WNK4: variants seen among roughly 807,000 people sequenced by gnomAD.
WNK4 encodes serine/threonine-protein kinase WNK4.
A neutral mutation model predicts 116.2 loss-of-function variants in WNK4; 94 were observed. That is an observed-to-expected ratio of 0.81 (90% CI 0.68 to 0.96). WNK4 has a LOEUF of 0.96. WNK4 is among the 40% of genes least tolerant of loss of function. WNK4 has a pLI of 0.00. For missense variants in WNK4, 1,542 were observed against 1,650.6 expected (o/e 0.93, Z 1.14); for synonymous variants, 655 against 672.7 (o/e 0.97, Z 0.41).
Position 42,784,163 on chromosome 17 carries a change from T to A in WNK4, c.1012+6T>A. ...CTTTGCCAAGAGTGTCATCGGTGCG[T>A]CTCTCCAGGAGGGTCCATGCCATTC... is the stretch of plus-strand genomic sequence containing the variant. On this transcript the variant is annotated splice_donor_region_variant and intron_variant, in intron 3 of 18. Transcript: ENST00000246914. The surrounding 1 kb of genome is among the most constrained non-coding windows in gnomAD (Gnocchi z 4.4). The A allele has an allele frequency of 3.1e-6, 5 of 1,604,444 alleles. No homozygotes were observed. The highest frequency in any genetic ancestry group is 4.2e-6 in the Non-Finnish European group (5 of 1,179,946).
rs1386404664 is a variant in WNK4 at position 42,796,555 on chromosome 17, T to G, written c.3706T>G (p.Phe1236Val). ...GCAGCGGGCAAGCAAGGGGGTGACA[T>G]TCGCCGGGGATGTTGGCAGGATGGT... ...QEQRASKGVT[F>V]AGDVGRM The change falls in exon 18 of 19, where the codon TTC (phenylalanine) becomes GTC (valine). Residue 1236 changes from phenylalanine to valine, a missense_variant. Around this residue, in one of 7 missense-constraint regions of WNK4, gnomAD observed 148 missense variants for 157.2 expected, o/e 0.94. Transcript: ENST00000246914. The G allele has an allele frequency of 6.2e-7, 1 of 1,614,102 alleles. No homozygotes were observed. The highest frequency in any genetic ancestry group is 1.7e-5 in the Admixed American group (1 of 60,020).
chr17:42,785,659 A>G (rs2054540989), intron 6 of WNK4, among the ~76,000 whole-genome samples, 177 bp downstream of exon 6: 1 of 152,118 alleles, frequency 6.6e-6, no homozygotes, highest in Non-Finnish European at 1.5e-5. Flanking sequence ...ACCCGCACGC[A>G]CACCCAGTTT....
Position 42,784,649 on chromosome 17 carries a change from C to T in WNK4, c.1170+70C>T. 5 of 1,589,944 alleles carry T rather than the reference C, an allele frequency of 3.1e-6. No individual in the cohort carries two copies. Among genetic ancestry groups the T allele is most frequent in the South Asian group, 2.3e-5 (2 of 88,520 alleles). On this transcript the variant is annotated intron_variant, in intron 4 of 18. Transcript: ENST00000246914. This position sits in a 1 kb window ranked among gnomAD's most constrained non-coding sequence, Gnocchi z 4.4. ...TCCCCTTTTCCTGCGCCGGCCAGCC[C>T]GCAGTCAATGCCCTTTGCCTGCACG... is the stretch of plus-strand genomic sequence containing the variant.
At chr17:42,793,764 G>T in intron 12 of WNK4, 35 bp downstream of exon 12, 2 of 1,613,058 alleles carry the variant, frequency 1.2e-6, no homozygotes, top group South Asian at 2.2e-5. Context: ...CAGGGGAAAT[G>T]GACTCTCTGC....
chr17:42,780,857 G>T lies in WNK4; in HGVS notation c.159G>T (p.Arg53=). ...ARRFSGKAEP[R]PRSSRLSRRS... Reference sequence around the variant, plus strand: ...GCTTCTCCGGGAAGGCTGAGCCCCGGCCGCGCTCTTCTCGTCTCAGCCGCC... The same window carrying T: ...GCTTCTCCGGGAAGGCTGAGCCCCGTCCGCGCTCTTCTCGTCTCAGCCGCC... Residue 53 remains arginine, a synonymous_variant, in exon 1 of 19, where the codon CGG becomes CGT. Transcript: ENST00000246914. The T allele has an allele frequency of 6.2e-7, 1 of 1,603,146 alleles. No individual in the cohort carries two copies. The highest frequency in any genetic ancestry group is 8.5e-7 in the Non-Finnish European group (1 of 1,178,962).
rs893566783 is a variant in WNK4 at position 42,782,630 on chromosome 17, A to T, written c.619-128A>T. 7.5e-6 allele frequency: 8 copies of T among 1,070,480 alleles called. No individual in the cohort carries two copies. In the Admixed American group the frequency reaches 8.0e-5, roughly 11 times the overall value. The allele number at this position is 1,070,480 out of a possible 1,614,324, so 66.3% of individuals were successfully genotyped here. On this transcript the variant is annotated intron_variant, in intron 1 of 18. Transcript: ENST00000246914. This position sits in a 1 kb window ranked among gnomAD's most constrained non-coding sequence, Gnocchi z 4.2. ...AGGGTCTGCAGCCCACTGGGCAAGT[A>T]ATCCCATTAACCCCACCCCATCTGT...
rs758319975 is a variant in WNK4 at position 42,780,764 on chromosome 17, G to A, written c.66G>A (p.Leu22=). Reference sequence around the variant, plus strand: ...CCCAGACTGAGGCCGACCTGGCCCTGCGGCCCCCGCCTCCTCTTGGCACCG... The same window carrying A: ...CCCAGACTGAGGCCGACCTGGCCCTACGGCCCCCGCCTCCTCTTGGCACCG... The part of the protein sequence containing the change: ...LMSQTEADLA[L]RPPPPLGTAG... Residue 22 remains leucine, a synonymous_variant, in exon 1 of 19, where the codon CTG becomes CTA. Transcript: ENST00000246914. 1.1e-5 allele frequency: 17 copies of A among 1,607,228 alleles called. No homozygotes were observed. The highest frequency in any genetic ancestry group is 1.4e-5 in the Non-Finnish European group (17 of 1,179,366).
rs767223452 is a variant in WNK4, at chr17:42,795,479, C to T, written c.2980C>T (p.Arg994Trp). ...TTTCTAGGCCTCACCACCTCCTGCTCGGCCCCTCCCAGGGGAAGCCAGGCT... is the reference window on the plus strand; with the variant it reads ...TTTCTAGGCCTCACCACCTCCTGCTTGGCCCCTCCCAGGGGAAGCCAGGCT... ...VESEASPPPA[R>W]PLPGEARLAP... Residue 994 changes from arginine (R) to tryptophan (W), a missense_variant, in exon 15 of 19, where the codon CGG (arginine) becomes TGG (tryptophan). Coordinates refer to ENST00000246914, the MANE Select transcript of WNK4 (RefSeq NM_032387.5). 12 of 1,614,126 alleles carry T rather than the reference C, an allele frequency of 7.4e-6. No homozygotes were observed. The highest frequency in any genetic ancestry group is 6.7e-5 in the African/African-American group (5 of 74,930).
chr17:42,795,433 T>G (rs776013255), intron 14 of WNK4, 28 bp from the exon 15 acceptor site: 24 of 1,613,988 alleles, frequency 1.5e-5, no homozygotes, highest in Non-Finnish European at 1.9e-5. Context: ...TCTGCACTCT[T>G]CCCTTCTCAT....
In WNK4 at chr17:42,781,298, G is replaced by A. The variant is rs761924058; in HGVS notation, c.600G>A (p.Val200=). The A allele has an allele frequency of 6.2e-7, 1 of 1,614,190 alleles. No homozygotes were observed. Among genetic ancestry groups the A allele is most frequent in the Admixed American group, 1.7e-5 (1 of 60,022 alleles). ...RGLDTDTTVE[V]AWCELQTRKL... The stretch of plus-strand genomic sequence containing the variant: ...TAGACACCGACACCACAGTGGAGGT[G>A]GCCTGGTGTGAGCTGCAGGTGCGGC... The change falls in exon 1 of 19, where the codon GTG becomes GTA. Residue 200 remains valine, a synonymous_variant. Transcript: ENST00000246914.
At chr17:42,793,759 G>A in intron 12 of WNK4, 30 bp downstream of exon 12, 4 of 1,613,208 alleles carry the variant, frequency 2.5e-6, no homozygotes, top group Non-Finnish European at 3.4e-6. Context: ...ACTTCCAGGG[G>A]AAATGGACTC....
intron 12 of WNK4, chr17:42,794,016 CT>C (rs1484946895): frequency 2.6e-6 from 1 of 380,392 alleles, no homozygotes; most frequent in African/African-American, 2.1e-5. Context: ...CCACACCCGG[CT>C]AATTTTTTTT....
chr17:42,787,972 A>C, intron 8 of WNK4, 73 bp downstream of exon 8: 2 of 1,603,178 alleles, frequency 1.2e-6, no homozygotes, highest in Non-Finnish European at 1.7e-6. Context: ...GTGAAACCCA[A>C]TCTCATGATC....
intron 6 of WNK4, 56 bp from the exon 7 acceptor site, chr17:42,787,222 T>C: frequency 1.2e-6 from 2 of 1,608,884 alleles, no homozygotes; most frequent in Middle Eastern, 1.6e-4. Flanking sequence ...GGCGTCCTGA[T>C]GGATCTTTGA....
chr17:42,786,955 TA>T (rs1335864150), intron 6 of WNK4, among the ~76,000 whole-genome samples: 1 of 152,212 alleles, frequency 6.6e-6, no homozygotes, highest in African/African-American at 2.4e-5. Flanking sequence ...CAGTAGCACC[TA>T]CCCTCCAGTT....
rs1038307868 is a variant in WNK4, at chr17:42,780,952, A to G, written c.254A>G (p.Asp85Gly). The change falls in exon 1 of 19, where the codon GAT (aspartate) becomes GGT (glycine). Residue 85 changes from aspartate to glycine, a missense_variant. By Grantham distance (94) the Asp-to-Gly change is moderately conservative. Around this residue, in one of 7 missense-constraint regions of WNK4, gnomAD observed 243 missense variants for 217.8 expected, o/e 1.12. Transcript: ENST00000246914. ...GCCTCACCCGCTCCGGACCCCCCCG[A>G]TCCTCCGGACTCCGCTGGTCCTGGC... ...LPASPAPDPP[D>G]PPDSAGPGPA... The G allele has an allele frequency of 3.0e-5, 49 of 1,610,044 alleles. No homozygotes were observed. The highest frequency in any genetic ancestry group is 3.7e-5 in the Non-Finnish European group (44 of 1,179,690).
chr17:42,796,714 C>T lies in WNK4; in HGVS notation c.*26C>T. ...ATTCAGAACAGAAGCCATGTATCTC[C>T]CCCACACCAGGGCCCACCATGGAGC... is the stretch of plus-strand genomic sequence containing the variant. On this transcript the variant is annotated 3_prime_UTR_variant, in exon 19 of 19. Transcript: ENST00000246914. 1.9e-6 allele frequency: 3 copies of T among 1,614,178 alleles called. No homozygotes were observed. The highest frequency in any genetic ancestry group is 1.1e-5 in the South Asian group (1 of 91,090).
At position 42,784,792 on chromosome 17, in the gene WNK4, C is replaced by CA. The variant is rs1167143277; in HGVS notation, c.1170+216dup. On this transcript the variant is annotated intron_variant, in intron 4 of 18. Coordinates refer to ENST00000246914, the MANE Select transcript of WNK4 (RefSeq NM_032387.5). This position sits in a 1 kb window ranked among gnomAD's most constrained non-coding sequence, Gnocchi z 4.4. ...TATGTGTGGTGCTCCCAAGAGTTCA[C>CA]AAATGATTTCGCATCCCATCTCTCA... Among the ~76,000 whole-genome samples, 1 of 152,146 alleles carries CA rather than the reference C, an allele frequency of 6.6e-6. No individual in the cohort carries two copies. The highest frequency in any genetic ancestry group is 1.5e-5 in the Non-Finnish European group (1 of 68,036).
At chr17:42,789,152 G>C (rs2054583717) in intron 11 of WNK4, among the ~76,000 whole-genome samples, 1 of 152,104 alleles carries the variant, frequency 6.6e-6, no homozygotes. Context: ...GGCAAGAAAG[G>C]CTGTGAAGGG....
Sources: gnomAD v4.1 joint callset for allele counts (sites outside exome capture counted in the v4.1 genomes callset) on GRCh38, gnomAD v4.1.1 for gene constraint, gnomAD v4.1.1 regional missense constraint, Gnocchi (gnomAD v3.1) non-coding constraint, MANE v1.5 for transcripts, NCBI Gene and HGNC (gene_info 2026-07-23, HGNC 2026-07-21) for gene names.